Variants in CALN1 observed in about 807,000 individuals in gnomAD.
The protein encoded by CALN1 is calcium-binding protein 8.
Under a neutral mutation model 30.6 loss-of-function variants are expected in CALN1, and 17 were observed. The ratio of observed to expected loss-of-function variants is 0.56; its 90% CI spans 0.38 to 0.83. The LOEUF is 0.83. Among genes scored for constraint, CALN1 ranks in the 40% least tolerant of loss-of-function variants. The pLI, the probability that CALN1 is intolerant of heterozygous loss-of-function variation, is 0.00. For synonymous variants in CALN1, 156 were observed against 131.4 expected, an observed-to-expected ratio of 1.19 and a Z score of -1.28; for missense variants, 291 against 354.9, an observed-to-expected ratio of 0.82 and a Z score of 1.45.
chr7:71,868,979 G>C (rs1276209740), intron 5 of CALN1, among the ~76,000 whole-genome samples: 1 of 152,138 alleles, frequency 6.6e-6, no homozygotes, highest in Non-Finnish European at 1.5e-5. Context: ...ACTGTCATCT[G>C]ACTCATTTCC....
At chr7:71,993,181 G>A (rs886297056) in intron 5 of CALN1, among the ~76,000 whole-genome samples, 1 of 152,170 alleles carries the variant, frequency 6.6e-6, no homozygotes, top group African/African-American at 2.4e-5. Context: ...GTGGAAGACG[G>A]AGGTGCAGAG....
chr7:72,194,509 G>A (rs1023948111), intron 3 of CALN1, among the ~76,000 whole-genome samples: 10 of 151,730 alleles, frequency 6.6e-5, no homozygotes, highest in African/African-American at 2.4e-4. Flanking sequence ...CAGCCTGGGC[G>A]ACAGAGTAAG....
chr7:71,914,306 T>C (rs1025467046), intron 5 of CALN1, among the ~76,000 whole-genome samples: 3 of 152,192 alleles, frequency 2.0e-5, no homozygotes, highest in Non-Finnish European at 2.9e-5. Context: ...CATGCAGTAT[T>C]TGGTTTTCTG....
chr7:72,230,342 T>A (rs865847634), intron 3 of CALN1, among the ~76,000 whole-genome samples: 6 of 124,828 alleles, frequency 4.8e-5, no homozygotes, highest in Admixed American at 8.4e-5. Context: ...CAATAGATAC[T>A]AAAAAAAAAA....
At chr7:72,326,514 T>A (rs1801289256) in intron 2 of CALN1, among the ~76,000 whole-genome samples, 1 of 152,206 alleles carries the variant, frequency 6.6e-6, no homozygotes, top group Admixed American at 6.5e-5. Context: ...ACAGATCAGA[T>A]TAAAAAGCAG....
intron 5 of CALN1, among the ~76,000 whole-genome samples, chr7:71,883,543 A>G (rs1792712023): frequency 6.6e-6 from 1 of 152,198 alleles, no homozygotes. Flanking sequence ...AGTTAGGAAC[A>G]TAATGAGCAG....
At chr7:72,427,255 T>A (rs568152178) in intron 1 of CALN1, among the ~76,000 whole-genome samples, 21 of 152,112 alleles carry the variant, frequency 1.4e-4, no homozygotes, top group Non-Finnish European at 2.9e-4. Context: ...GGATTACAGG[T>A]GTGAGCCACC....
intron 5 of CALN1, among the ~76,000 whole-genome samples, chr7:71,839,642 C>T (rs1390864841): frequency 2.0e-5 from 3 of 152,146 alleles, no homozygotes; most frequent in African/African-American, 2.4e-5. Context: ...GCCTTGTTCA[C>T]GGTGCCAGAG....
chr7:72,287,691 C>A (rs965303387), intron 2 of CALN1, among the ~76,000 whole-genome samples: 1 of 152,092 alleles, frequency 6.6e-6, no homozygotes, highest in African/African-American at 2.4e-5. Context: ...CGTGATCCAC[C>A]TGCCTCAGCC....
At chr7:72,080,538 G>A (rs375911872) in intron 4 of CALN1, among the ~76,000 whole-genome samples, 4 of 152,132 alleles carry the variant, frequency 2.6e-5, no homozygotes, top group African/African-American at 7.2e-5. Context: ...GAACAAGCTG[G>A]TTGTTAATTG....
chr7:72,164,897 G>A (rs1327181562), intron 3 of CALN1, among the ~76,000 whole-genome samples: 1 of 152,030 alleles, frequency 6.6e-6, no homozygotes, highest in East Asian at 1.9e-4. Flanking sequence ...GTCTCGCTAT[G>A]TTGCCCAAAC....
chr7:72,359,300 A>G (rs752785814), intron 2 of CALN1, among the ~76,000 whole-genome samples: 3 of 152,160 alleles, frequency 2.0e-5, no homozygotes, highest in Non-Finnish European at 4.4e-5. Context: ...CAATATTCCA[A>G]TGTGAAAAAC....
intron 4 of CALN1, among the ~76,000 whole-genome samples, chr7:72,054,677 G>T (rs1803133599): frequency 6.6e-6 from 1 of 151,526 alleles, no homozygotes; most frequent in South Asian, 2.1e-4. Context: ...ACCAAATACT[G>T]CATGTTCTTA....
intron 3 of CALN1, among the ~76,000 whole-genome samples, chr7:72,231,699 G>A (rs1288013976): frequency 6.6e-6 from 1 of 152,146 alleles, no homozygotes; most frequent in East Asian, 1.9e-4. Context: ...GGTACCTATA[G>A]GAAAAGATGT....
chr7:72,396,183 A>G (rs908397346), intron 2 of CALN1, among the ~76,000 whole-genome samples: 2 of 147,132 alleles, frequency 1.4e-5, no homozygotes. Context: ...GATCACTTAA[A>G]GTCAGGAGTT....
chr7:72,216,918 T>C (rs1585188551), intron 3 of CALN1, among the ~76,000 whole-genome samples: 1 of 14,240 alleles, frequency 7.0e-5, no homozygotes, highest in Non-Finnish European at 1.1e-4. Context: ...CACCCACTGA[T>C]TTTTTTTAAG....
intron 4 of CALN1, among the ~76,000 whole-genome samples, chr7:72,098,364 G>A (rs191692730): frequency 8.7e-4 from 132 of 152,242 alleles, no homozygotes; most frequent in African/African-American, 3.1e-3. Context: ...CCAAGGAGGA[G>A]ACCCCAGGCA....
At chr7:71,935,753 C>T (rs1364659396) in intron 5 of CALN1, among the ~76,000 whole-genome samples, 2 of 152,110 alleles carry the variant, frequency 1.3e-5, no homozygotes, top group Admixed American at 6.6e-5. Context: ...AAAAACATCC[C>T]TCCTCCTGTA....
chr7:71,794,856 G>A (rs998596307), intron 6 of CALN1, among the ~76,000 whole-genome samples: 7 of 152,134 alleles, frequency 4.6e-5, no homozygotes, highest in African/African-American at 1.7e-4. Context: ...CCCGCTGATG[G>A]GAGAAGCCTG....
Sources: allele counts gnomAD v4.1 joint callset (sites outside exome capture counted in the v4.1 genomes callset), GRCh38; gene constraint gnomAD v4.1.1; transcripts MANE v1.5; gene names NCBI Gene and HGNC (gene_info 2026-07-23, HGNC 2026-07-21).